Variants in TBXAS1 observed in about 807,000 individuals in gnomAD.
The protein encoded by TBXAS1 is thromboxane-A synthase.
TBXAS1 carries 48 observed loss-of-function variants against 60.7 expected under a neutral mutation model. That is an observed-to-expected ratio of 0.79 (90% CI 0.63 to 1.01). TBXAS1 has a LOEUF of 1.01. Among genes scored for constraint, TBXAS1 ranks in the 50% least tolerant of loss-of-function variants. The pLI is 0.00. For missense variants in TBXAS1, 685 were observed against 686.3 expected (o/e 1.00, Z 0.02); for synonymous variants, 287 against 269.7 (o/e 1.06, Z -0.63).
At chr7:139,793,275 C>G (rs1468448092) in intron 4 of TBXAS1, among the ~76,000 whole-genome samples, 1 of 151,990 alleles carries the variant, frequency 6.6e-6, no homozygotes, top group South Asian at 2.1e-4. Context: ...AAAAATTTAG[C>G]TGGACATGGT....
intron 4 of TBXAS1, among the ~76,000 whole-genome samples, chr7:139,811,147 G>A (rs572735631): frequency 5.3e-5 from 8 of 152,354 alleles, no homozygotes; most frequent in African/African-American, 1.7e-4. Context: ...TCAACCTGAA[G>A]TATATTGTGA....
At chr7:139,897,225 A>T (rs1804177641) in intron 3 of TBXAS1, among the ~76,000 whole-genome samples, 1 of 152,094 alleles carries the variant, frequency 6.6e-6, no homozygotes, top group Non-Finnish European at 1.5e-5. Context: ...CAGGCAAGAA[A>T]AGAGGAGCCG....
At chr7:139,826,778 T>C (rs1050978953), upstream of TBXAS1, among the ~76,000 whole-genome samples, 1 of 152,208 alleles carries the variant, frequency 6.6e-6, no homozygotes, top group African/African-American at 2.4e-5. Flanking sequence ...GACATGATCA[T>C]GATCAATTGT....
chr7:139,787,527 A>G (rs1767041721), intron 4 of TBXAS1: 1 of 152,236 alleles, frequency 6.6e-6, no homozygotes, highest in South Asian at 2.1e-4. Context: ...TAATAGCCAG[A>G]GAGGGGAAGG....
rs143735170 is a variant in TBXAS1 at position 139,912,385 on chromosome 7, A to G, written c.333+1064A>G. Among the ~76,000 whole-genome samples the G allele has an allele frequency of 8.6e-3, 1,308 of 152,366 alleles. 23 individuals are homozygous for G. Among genetic ancestry groups the G allele is most frequent in the African/African-American group, 0.03 (1,261 of 41,588 alleles). On this transcript the variant is annotated intron_variant, in intron 4 of 12. Coordinates refer to ENST00000448866, the MANE Select transcript of TBXAS1 (RefSeq NM_001061.7). The stretch of plus-strand genomic sequence containing the variant: ...TTACGTTGATTCTTGGAAAAAGTCT[A>G]AAGTGAATTAATAAACATGTTTGTG...
Position 139,916,031 on chromosome 7 carries a change from T to G in TBXAS1, c.333+4710T>G, listed in dbSNP as rs1569513196. ...AACCCAAATCAATCTTCTTGGCACT[T>G]ATAGAAGCTCAGTCGTCCTGGTACA... is the stretch of plus-strand genomic sequence containing the variant. On this transcript the variant is annotated intron_variant, in intron 4 of 12. Coordinates refer to ENST00000448866, the MANE Select transcript of TBXAS1 (RefSeq NM_001061.7). The surrounding 1 kb of genome is among the most constrained non-coding windows in gnomAD (Gnocchi z 4.2). 6.6e-6 allele frequency among the ~76,000 whole-genome samples: 1 copy of G among 152,240 alleles called. No homozygotes were observed. The highest frequency in any genetic ancestry group is 2.1e-4 in the South Asian group (1 of 4,836).
chr7:139,914,334 G>A (rs915167898), intron 4 of TBXAS1, among the ~76,000 whole-genome samples: 43 of 152,174 alleles, frequency 2.8e-4, no homozygotes, highest in African/African-American at 9.6e-4. Context: ...ACTGTACCTG[G>A]CCACATTTCT....
intron 4 of TBXAS1, among the ~76,000 whole-genome samples, chr7:139,807,401 T>C (rs78098535): frequency 0.064 from 9,705 of 151,906 alleles, 1,033 homozygotes; most frequent in African/African-American, 0.22. Flanking sequence ...TTTTTTTTTT[T>C]TTAGATGGAG....
In TBXAS1 at chr7:139,873,963, G is replaced by T. The variant is rs546104940; in HGVS notation, c.184-1622G>T. Among the ~76,000 whole-genome samples the T allele has an allele frequency of 1.3e-4, 20 of 152,108 alleles. 1 individual carries two copies. The South Asian group carries it at 3.5e-3, about 27-fold the overall frequency. ...TTCCCCCATCCCTACCTCCGGAAAG[G>T]CTGGCCCTTGGCACTAGATAGAAAA... On this transcript the variant is annotated intron_variant, in intron 2 of 12. Coordinates refer to ENST00000448866, the MANE Select transcript of TBXAS1 (RefSeq NM_001061.7).
chr7:139,859,430 T>C (rs1800816992), intron 1 of TBXAS1, among the ~76,000 whole-genome samples: 1 of 150,782 alleles, frequency 6.6e-6, no homozygotes, highest in South Asian at 2.1e-4. Context: ...ATGGTCTCAA[T>C]CTTCTTACCT....
intron 2 of TBXAS1, among the ~76,000 whole-genome samples, chr7:139,875,020 G>A (rs543768346): frequency 4.6e-5 from 7 of 152,238 alleles, no homozygotes; most frequent in Admixed American, 3.3e-4. Flanking sequence ...GCTTGAATCC[G>A]GGAGGTGGAG....
intron 1 of TBXAS1, among the ~76,000 whole-genome samples, chr7:139,834,826 A>T (rs1047252975): frequency 8.5e-5 from 13 of 152,160 alleles, no homozygotes; most frequent in Admixed American, 7.9e-4. Context: ...AATGGTAATT[A>T]AAAAATTACC....
At chr7:139,810,946 A>T (rs903522893) in intron 4 of TBXAS1, among the ~76,000 whole-genome samples, 1 of 152,232 alleles carries the variant, frequency 6.6e-6, no homozygotes, top group Non-Finnish European at 1.5e-5. Context: ...CTGGGTCCAT[A>T]TCTTGTAGGA....
chr7:139,905,057 T>TTCTTTCTTTC (rs1247644902), intron 3 of TBXAS1, among the ~76,000 whole-genome samples: 29 of 107,552 alleles, frequency 2.7e-4, no homozygotes, highest in South Asian at 6.6e-4. Context: ...CTTTCTTTCT[T>TTCTTTCTTTC]TCTCTCTCTC....
chr7:139,938,649 A>G (rs1463823703), intron 5 of TBXAS1, among the ~76,000 whole-genome samples: 1 of 152,192 alleles, frequency 6.6e-6, no homozygotes, highest in Non-Finnish European at 1.5e-5. Flanking sequence ...GAGTCAGCCA[A>G]GAGAAGACCG....
At chr7:140,005,050 A>G (rs1813962061) in intron 9 of TBXAS1, among the ~76,000 whole-genome samples, 1 of 152,216 alleles carries the variant, frequency 6.6e-6, no homozygotes, top group Non-Finnish European at 1.5e-5. Flanking sequence ...AGCCAGGTGG[A>G]GAGCACAGGC....
chr7:139,792,652 G>T (rs1427344781), intron 4 of TBXAS1, among the ~76,000 whole-genome samples: 1 of 152,176 alleles, frequency 6.6e-6, no homozygotes, highest in Non-Finnish European at 1.5e-5. Flanking sequence ...AGGGATGAGG[G>T]CAGGGACAGA....
intron 9 of TBXAS1, among the ~76,000 whole-genome samples, chr7:139,994,841 A>T (rs894916211): frequency 6.6e-6 from 1 of 152,208 alleles, no homozygotes; most frequent in South Asian, 2.1e-4. Context: ...GGCGTGAGGG[A>T]GGCCTTATTA....
At chr7:139,977,774 C>T (rs1488023512) in intron 9 of TBXAS1, among the ~76,000 whole-genome samples, 7 of 152,102 alleles carry the variant, frequency 4.6e-5, no homozygotes, top group Admixed American at 2.6e-4. Context: ...AAGATGCTAC[C>T]GATGGTTATC....
Sources: allele counts gnomAD v4.1 joint callset (sites outside exome capture counted in the v4.1 genomes callset), GRCh38; gene constraint gnomAD v4.1.1; non-coding constraint Gnocchi (gnomAD v3.1); transcripts MANE v1.5; gene names NCBI Gene and HGNC (gene_info 2026-07-23, HGNC 2026-07-21).